GPC6: variants seen among roughly 807,000 people sequenced by gnomAD.
GPC6 encodes glypican 6.
GPC6 carries 14 observed loss-of-function variants against 55.2 expected under a neutral mutation model. The ratio of observed to expected loss-of-function variants is 0.25; its 90% CI spans 0.17 to 0.40. GPC6 has a LOEUF of 0.40. GPC6 is among the 10% of genes least tolerant of loss of function. GPC6 has a pLI of 1.00. For synonymous variants in GPC6, 278 were observed against 259.6 expected (o/e 1.07, Z -0.68); for missense variants, 641 against 708.5 (o/e 0.90, Z 1.08).
chr13:94,079,958 A>C lies in GPC6; in HGVS notation c.877+52064A>C, dbSNP rs79780040. ...CACATTTGGTATCCAGACTGTTGAG[A>C]GAGCACAATGTCCTGATGGTTTTTG... On this transcript the variant is annotated intron_variant, in intron 4 of 8. Coordinates refer to ENST00000377047, the MANE Select transcript of GPC6 (RefSeq NM_005708.5). Among the ~76,000 whole-genome samples, 995 of 152,334 alleles carry C rather than the reference A, an allele frequency of 6.5e-3. 16 individuals are homozygous for C. Among genetic ancestry groups the C allele is most frequent in the African/African-American group, 0.023 (954 of 41,578 alleles).
At chr13:94,017,428 T>C (rs1882511799) in intron 3 of GPC6, among the ~76,000 whole-genome samples, 1 of 152,138 alleles carries the variant, frequency 6.6e-6, no homozygotes, top group Admixed American at 6.5e-5. Flanking sequence ...ACATCTTACA[T>C]GGTGGCAGGC....
intron 4 of GPC6, among the ~76,000 whole-genome samples, chr13:94,191,622 AT>A (rs201084934): frequency 6.7e-6 from 1 of 150,180 alleles, no homozygotes; most frequent in Non-Finnish European, 1.5e-5. Flanking sequence ...AAAAAAAAAA[AT>A]AATAGTAGAG....
At chr13:93,420,842 T>G (rs1037600732) in intron 1 of GPC6, among the ~76,000 whole-genome samples, 1 of 151,826 alleles carries the variant, frequency 6.6e-6, no homozygotes, top group African/African-American at 2.4e-5. Context: ...TCTCATGGAG[T>G]TTTGACTAGT....
chr13:93,715,989 G>C (rs1486437633), intron 2 of GPC6, among the ~76,000 whole-genome samples: 1 of 151,536 alleles, frequency 6.6e-6, no homozygotes, highest in Non-Finnish European at 1.5e-5. Flanking sequence ...CATCTACAAT[G>C]GTGGTACCAT....
intron 1 of GPC6, among the ~76,000 whole-genome samples, chr13:93,523,812 T>G (rs1395749847): frequency 6.6e-6 from 1 of 151,994 alleles, no homozygotes; most frequent in Admixed American, 6.6e-5. Context: ...TTTTCTCTCA[T>G]TTTGAATAGC....
chr13:93,744,436 T>C (rs1361102469), intron 2 of GPC6, among the ~76,000 whole-genome samples: 1 of 151,688 alleles, frequency 6.6e-6, no homozygotes, highest in Non-Finnish European at 1.5e-5. Flanking sequence ...GGAAATCAAG[T>C]GGACTTCTCT....
chr13:94,062,452 T>C lies in GPC6; in HGVS notation c.877+34558T>C, dbSNP rs375581860. 1.3e-5 allele frequency among the ~76,000 whole-genome samples: 2 copies of C among 152,188 alleles called. 1 individual carries two copies. The highest frequency in any genetic ancestry group is 4.1e-4 in the South Asian group (2 of 4,820). Reference sequence around the variant, plus strand: ...TTTTAGTAGAGACCAGGTTTCACCATGTTAGCCAAGCTGGTCTCGAACTCC... The same window carrying C: ...TTTTAGTAGAGACCAGGTTTCACCACGTTAGCCAAGCTGGTCTCGAACTCC... On this transcript the variant is annotated intron_variant, in intron 4 of 8. Coordinates refer to ENST00000377047, the MANE Select transcript of GPC6 (RefSeq NM_005708.5).
intron 1 of GPC6, among the ~76,000 whole-genome samples, chr13:93,353,917 A>G (rs980674838): frequency 2.0e-5 from 3 of 152,366 alleles, no homozygotes; most frequent in Non-Finnish European, 4.4e-5. Flanking sequence ...AGCATATTTT[A>G]TCTAAATAAT....
intron 2 of GPC6, among the ~76,000 whole-genome samples, chr13:93,614,662 AT>A (rs900129581): frequency 1.1e-4 from 17 of 152,018 alleles, no homozygotes; most frequent in East Asian, 5.8e-4. Flanking sequence ...ATCCCCCTAT[AT>A]TTTTTTCAAA....
chr13:93,851,913 G>A (rs1888416318), intron 3 of GPC6, among the ~76,000 whole-genome samples: 1 of 151,682 alleles, frequency 6.6e-6, no homozygotes, highest in African/African-American at 2.4e-5. Flanking sequence ...GTACTTACCT[G>A]AAGTTTTTAT....
intron 6 of GPC6, among the ~76,000 whole-genome samples, chr13:94,375,298 T>G (rs1879789669): frequency 6.6e-6 from 1 of 151,924 alleles, no homozygotes; most frequent in African/African-American, 2.4e-5. Context: ...TTGATAGACT[T>G]CTAGCAAGAC....
intron 4 of GPC6, among the ~76,000 whole-genome samples, chr13:94,265,931 T>C (rs1483139526): frequency 3.3e-5 from 5 of 152,150 alleles, no homozygotes; most frequent in African/African-American, 1.2e-4. Context: ...GGAAAGAAAG[T>C]TTCTAGGCAA....
At position 94,398,146 on chromosome 13, in the gene GPC6, G is replaced by A. The variant is rs543553870; in HGVS notation, c.1290-320G>A. ...CCCAGTCTCAGGTATGTATGTTTCAGTGTGAGAACAGACTAATACAAGTGG... is the reference window on the plus strand; with the variant it reads ...CCCAGTCTCAGGTATGTATGTTTCAATGTGAGAACAGACTAATACAAGTGG... On this transcript the variant is annotated intron_variant, in intron 7 of 8. Coordinates refer to ENST00000377047, the MANE Select transcript of GPC6 (RefSeq NM_005708.5). 2.0e-5 allele frequency among the ~76,000 whole-genome samples: 3 copies of A among 151,556 alleles called. No individual in the cohort carries two copies. The East Asian group carries it at 5.9e-4, about 30-fold the overall frequency.
intron 3 of GPC6, among the ~76,000 whole-genome samples, chr13:93,841,476 A>T (rs1293602434): frequency 3.3e-5 from 5 of 152,162 alleles, no homozygotes; most frequent in African/African-American, 1.2e-4. Context: ...TTCAGCACAA[A>T]CACAATGGGT....
chr13:93,686,996 C>T (rs187472907), intron 2 of GPC6, among the ~76,000 whole-genome samples: 27 of 151,968 alleles, frequency 1.8e-4, no homozygotes, highest in African/African-American at 6.5e-4. Flanking sequence ...TTTCTAAGGT[C>T]ACATACAATA....
chr13:94,315,503 C>T (rs1198723543), intron 6 of GPC6, among the ~76,000 whole-genome samples: 1 of 152,082 alleles, frequency 6.6e-6, no homozygotes, highest in Non-Finnish European at 1.5e-5. Context: ...CATGTCTCTA[C>T]CTGGAAGGGT....
At chr13:93,364,706 C>T (rs1235682395) in intron 1 of GPC6, among the ~76,000 whole-genome samples, 1 of 145,510 alleles carries the variant, frequency 6.9e-6, no homozygotes, top group African/African-American at 2.7e-5. Flanking sequence ...TACACACACA[C>T]ATATATATAC....
At chr13:94,123,948 G>A (rs1886722391) in intron 4 of GPC6, among the ~76,000 whole-genome samples, 2 of 151,980 alleles carry the variant, frequency 1.3e-5, no homozygotes, top group South Asian at 4.1e-4. Context: ...GAGCAGATGT[G>A]CTAATACTAA....
chr13:93,550,117 T>C (rs1875061512), intron 2 of GPC6, among the ~76,000 whole-genome samples: 1 of 152,142 alleles, frequency 6.6e-6, no homozygotes. Context: ...GGGTGTTTTT[T>C]GTAAAAGCCT....
Sources: gnomAD v4.1 joint callset for allele counts (sites outside exome capture counted in the v4.1 genomes callset) on GRCh38, gnomAD v4.1.1 for gene constraint, MANE v1.5 for transcripts, NCBI Gene and HGNC (gene_info 2026-07-23, HGNC 2026-07-21) for gene names.